Variants in TIAM1 observed in about 807,000 individuals in gnomAD.
The protein encoded by TIAM1 is rho guanine nucleotide exchange factor TIAM1.
TIAM1 carries 65 observed loss-of-function variants against 163.5 expected under a neutral mutation model. That is an observed-to-expected ratio of 0.40 (90% CI 0.33 to 0.49). TIAM1 has a LOEUF of 0.49. Among genes scored for constraint, TIAM1 ranks in the 20% least tolerant of loss-of-function variants. TIAM1 has a pLI of 0.77. For missense variants in TIAM1, 1,789 were observed against 2,044.7 expected (o/e 0.87, Z 2.41); for synonymous variants, 833 against 810.1 (o/e 1.03, Z -0.48).
chr21:31,173,304 G>A (rs911186189), intron 15 of TIAM1, among the ~76,000 whole-genome samples: 1 of 151,750 alleles, frequency 6.6e-6, no homozygotes, highest in Non-Finnish European at 1.5e-5. Context: ...AATCCCTGAT[G>A]GAAAAAAAAC....
chr21:31,122,697 G>C (rs1568862371), intron 27 of TIAM1, among the ~76,000 whole-genome samples: 1 of 152,222 alleles, frequency 6.6e-6, no homozygotes, highest in Non-Finnish European at 1.5e-5. Context: ...GAATATGGAA[G>C]CAGAGTATTT....
intron 27 of TIAM1, among the ~76,000 whole-genome samples, chr21:31,122,096 C>T (rs1427808221): frequency 1.3e-5 from 2 of 152,284 alleles, no homozygotes; most frequent in Admixed American, 6.5e-5. Context: ...GAGTGGTCAA[C>T]GAGGGGCTGA....
At chr21:31,238,317 G>A (rs996903333) in intron 6 of TIAM1, among the ~76,000 whole-genome samples, 1 of 152,192 alleles carries the variant, frequency 6.6e-6, no homozygotes, top group African/African-American at 2.4e-5. Context: ...TGCCTTCATG[G>A]TATCCAAACA....
chr21:31,216,447 CA>C (rs1307182562), intron 9 of TIAM1, among the ~76,000 whole-genome samples: 16 of 152,266 alleles, frequency 1.1e-4, no homozygotes, highest in African/African-American at 3.8e-4. Flanking sequence ...CCGCAGCCCA[CA>C]AACTGGACAT....
chr21:31,169,065 G>A lies in TIAM1; in HGVS notation c.2888-4000C>T, dbSNP rs149536171. Among the ~76,000 whole-genome samples the A allele has an allele frequency of 1.5e-3, 222 of 152,216 alleles. 1 individual carries two copies. Among genetic ancestry groups the A allele is most frequent in the African/African-American group, 4.9e-3 (203 of 41,546 alleles). ...CCCAGCACTTTTGGGAGGCTGAGGC[G>A]GGTGGATCATCTGAGGTCAGGAGTT... On this transcript the variant is annotated intron_variant, in intron 15 of 27. Transcript: ENST00000541036.
chr21:31,442,201 A>G (rs2044459055), intron 2 of TIAM1, among the ~76,000 whole-genome samples: 1 of 148,894 alleles, frequency 6.7e-6, no homozygotes, highest in Non-Finnish European at 1.5e-5. Flanking sequence ...GTCAATGGAC[A>G]ATTACTAAGA....
Position 31,245,510 on chromosome 21 carries a change from A to G in TIAM1, c.1562T>C (p.Leu521Pro). The G allele has an allele frequency of 6.5e-7, 1 of 1,527,588 alleles. No homozygotes were observed. The highest frequency in any genetic ancestry group is 8.8e-7 in the Non-Finnish European group (1 of 1,132,496). The allele number at this position is 1,527,588 out of a possible 1,614,324, so 94.6% of individuals were successfully genotyped here. Residue 521 changes from leucine to proline, a missense_variant, in exon 6 of 28, where the codon CTG becomes CCG. By Grantham distance (98) the Leu-to-Pro change is moderately conservative. Coordinates refer to ENST00000541036, the MANE Select transcript of TIAM1 (RefSeq NM_001353694.2). Reference protein sequence around the residue: ...KDFVFCLSNSLGDAFLFQTTS... With the variant: ...KDFVFCLSNSPGDAFLFQTTS... ...AACCTGAAAAAGGAAGGCATCACCC[A>G]GGGAATTGCTGAGGCAGAAGACAAA...
intron 8 of TIAM1, among the ~76,000 whole-genome samples, chr21:31,218,401 T>C (rs1216086842): frequency 1.3e-5 from 2 of 151,788 alleles, no homozygotes; most frequent in Non-Finnish European, 2.9e-5. Context: ...AACCCTGTCT[T>C]AACTAAAAAA....
Position 31,236,935 on chromosome 21 carries a change from T to A in TIAM1, c.1584+8553A>T, listed in dbSNP as rs368154198. Among the ~76,000 whole-genome samples, 12 of 152,288 alleles carry A rather than the reference T, an allele frequency of 7.9e-5. No individual in the cohort carries two copies. The South Asian group carries it at 2.5e-3, about 32-fold the overall frequency. On this transcript the variant is annotated intron_variant, in intron 6 of 27. Transcript: ENST00000541036. ...GTGGCAGGAGGTAAATGAAAGCCGT[T>A]TTTAAGTATTTAAAAGGTGATGAGT... is the stretch of plus-strand genomic sequence containing the variant.
intron 1 of TIAM1, among the ~76,000 whole-genome samples, chr21:31,475,177 C>A (rs2045899484): frequency 6.6e-6 from 1 of 151,906 alleles, no homozygotes; most frequent in South Asian, 2.1e-4. Context: ...CTCAGCCCTG[C>A]AAGTAGCTGG....
Position 31,251,795 on chromosome 21 carries a change from T to C in TIAM1, c.1358A>G (p.Lys453Arg). The C allele has an allele frequency of 1.9e-6, 3 of 1,611,376 alleles. No homozygotes were observed. Among genetic ancestry groups the C allele is most frequent in the Non-Finnish European group, 1.7e-6 (2 of 1,178,010 alleles). Residue 453 changes from lysine (K) to arginine (R), a missense_variant, in exon 5 of 28, where the codon AAG becomes AGG. Coordinates refer to ENST00000541036, the MANE Select transcript of TIAM1 (RefSeq NM_001353694.2). ...KNFLVHKKNK[K>R]VESATRRKWK... is the part of the protein sequence containing the mutation. ...CTTCCTCCGGGTGGCTGACTCCACC[T>C]TCTTGTTCTTCTTGTGCACCAGGAA...
At chr21:31,368,823 A>T (rs1039089253) in intron 2 of TIAM1, among the ~76,000 whole-genome samples, 27 of 152,226 alleles carry the variant, frequency 1.8e-4, no homozygotes, top group African/African-American at 6.3e-4. Context: ...AAAACTAAAG[A>T]TATTAAATTA....
chr21:31,317,884 G>C (rs1168486419), intron 2 of TIAM1, among the ~76,000 whole-genome samples: 2 of 152,192 alleles, frequency 1.3e-5, no homozygotes, highest in East Asian at 3.8e-4. Flanking sequence ...TACTTGATGA[G>C]ACAACTATAG....
intron 2 of TIAM1, among the ~76,000 whole-genome samples, chr21:31,386,958 T>G (rs1424368306): frequency 2.6e-5 from 4 of 152,144 alleles, no homozygotes; most frequent in Non-Finnish European, 5.9e-5. Context: ...CTTTATCTGC[T>G]CCGGCATGGC....
intron 2 of TIAM1, among the ~76,000 whole-genome samples, chr21:31,383,056 A>G (rs966927084): frequency 2.6e-5 from 4 of 152,096 alleles, no homozygotes; most frequent in Admixed American, 2.0e-4. Flanking sequence ...CCTGGCCAAC[A>G]TGGTGAAACC....
At chr21:31,286,063 T>C (rs1210640231) in intron 2 of TIAM1, among the ~76,000 whole-genome samples, 4 of 152,180 alleles carry the variant, frequency 2.6e-5, no homozygotes, top group African/African-American at 9.7e-5. Context: ...AGTATGATAG[T>C]TGGGAAATAA....
chr21:31,154,548 T>G, intron 16 of TIAM1, 122 bp from the exon 17 acceptor site: 2 of 1,010,384 alleles, frequency 2.0e-6, no homozygotes, highest in East Asian at 4.9e-5. Flanking sequence ...AATGTCGTCT[T>G]GTGTTTCCAC....
chr21:31,267,941 T>C (rs557247033), intron 3 of TIAM1, among the ~76,000 whole-genome samples: 2 of 152,262 alleles, frequency 1.3e-5, no homozygotes, highest in East Asian at 3.9e-4. Context: ...TTACAGTCTC[T>C]CTCACTGACC....
At chr21:31,218,923 A>G (rs1215516099) in intron 8 of TIAM1, among the ~76,000 whole-genome samples, 1 of 150,600 alleles carries the variant, frequency 6.6e-6, no homozygotes, top group East Asian at 2.0e-4. Flanking sequence ...TACATGTCCT[A>G]TGTTTAGGTA....
Sources: allele counts gnomAD v4.1 joint callset (sites outside exome capture counted in the v4.1 genomes callset), GRCh38; gene constraint gnomAD v4.1.1; transcripts MANE v1.5; gene names NCBI Gene and HGNC (gene_info 2026-07-23, HGNC 2026-07-21).